Variants in ARHGEF28 observed in about 807,000 individuals in gnomAD.
The protein encoded by ARHGEF28 is Rho guanine nucleotide exchange factor 28, also known as 190 kDa guanine nucleotide exchange factor.
A neutral mutation model predicts 206.6 loss-of-function variants in ARHGEF28; 152 were observed. The ratio of observed to expected loss-of-function variants is 0.74; its 90% CI spans 0.64 to 0.84. The LOEUF is 0.84. Among genes scored for constraint, ARHGEF28 ranks in the 40% least tolerant of loss-of-function variants. ARHGEF28 has a pLI of 0.00. For missense variants in ARHGEF28, 2,028 were observed against 2,073.2 expected (o/e 0.98, Z 0.42); for synonymous variants, 763 against 776.4 (o/e 0.98, Z 0.29).
chr5:73,805,324 A>G (rs1038616615), intron 9 of ARHGEF28, among the ~76,000 whole-genome samples: 1 of 152,150 alleles, frequency 6.6e-6, no homozygotes, highest in African/African-American at 2.4e-5. Context: ...AATTTAAGAA[A>G]ACCTTGAGGT....
intron 1 of ARHGEF28, among the ~76,000 whole-genome samples, chr5:73,649,124 G>A (rs1454254029): frequency 6.6e-6 from 1 of 152,244 alleles, no homozygotes; most frequent in Non-Finnish European, 1.5e-5. Flanking sequence ...GATAAAGACA[G>A]ATTAAGTAGC....
intron 2 of ARHGEF28, among the ~76,000 whole-genome samples, chr5:73,736,075 C>T (rs1750911736): frequency 6.6e-6 from 1 of 152,164 alleles, no homozygotes; most frequent in Non-Finnish European, 1.5e-5. Flanking sequence ...TAACACAGTG[C>T]CTGACACACA....
At chr5:73,677,453 A>T (rs556802729) in intron 1 of ARHGEF28, among the ~76,000 whole-genome samples, 1 of 152,358 alleles carries the variant, frequency 6.6e-6, no homozygotes, top group Admixed American at 6.5e-5. Context: ...AATTAAAGTG[A>T]TAGGTTTTAT....
At chr5:73,887,563 G>T (rs755367448) in intron 25 of ARHGEF28, 40 bp from the exon 26 acceptor site, 7 of 1,419,280 alleles carry the variant, frequency 4.9e-6, no homozygotes, top group Non-Finnish European at 6.7e-6. Flanking sequence ...TTTGAACTGT[G>T]GTTTGCTTCA....
At chr5:73,857,978 T>C (rs1759155318) in intron 15 of ARHGEF28, 109 bp from the exon 16 acceptor site, 3 of 1,483,382 alleles carry the variant, frequency 2.0e-6, no homozygotes, top group South Asian at 2.7e-5. Context: ...TATATTCTGA[T>C]GGAAAATGTA....
intron 2 of ARHGEF28, among the ~76,000 whole-genome samples, chr5:73,737,447 C>A (rs530269992): frequency 3.3e-5 from 1 of 30,196 alleles, no homozygotes; most frequent in African/African-American, 1.6e-4. Flanking sequence ...TCCTTCTTTT[C>A]TTTTCTTTTC....
intron 14 of ARHGEF28, among the ~76,000 whole-genome samples, chr5:73,856,952 A>T (rs990432755): frequency 1.4e-4 from 22 of 152,186 alleles, no homozygotes; most frequent in Non-Finnish European, 3.2e-4. Context: ...CATAGTCTGC[A>T]TATGTTTTTT....
At chr5:73,834,031 GTATT>G (rs1254502037) in intron 10 of ARHGEF28, among the ~76,000 whole-genome samples, 10 of 152,154 alleles carry the variant, frequency 6.6e-5, no homozygotes, top group South Asian at 2.1e-4. Context: ...CCATGTTCTA[GTATT>G]TATTTATTTT....
chr5:73,923,929 T>C (rs1316610525), intron 35 of ARHGEF28, among the ~76,000 whole-genome samples: 2 of 152,216 alleles, frequency 1.3e-5, no homozygotes, highest in African/African-American at 4.8e-5. Context: ...CAATAGACTC[T>C]AAAATGCTTT....
In ARHGEF28 at chr5:73,858,611, A is replaced by G. The variant is rs1759199509; in HGVS notation, c.2047+392A>G. Among the ~76,000 whole-genome samples the G allele has an allele frequency of 1.3e-5, 2 of 152,138 alleles. 1 individual carries two copies. The highest frequency in any genetic ancestry group is 4.1e-4 in the South Asian group (2 of 4,824). ...CTCACATCCCACATCCAATCCATCA[A>G]CAATCCTCTTGGCTCTATTTTCAGA... is the stretch of plus-strand genomic sequence containing the variant. On this transcript the variant is annotated intron_variant, in intron 16 of 35. Transcript: ENST00000513042.
At chr5:73,852,481 A>T (rs977141190) in intron 13 of ARHGEF28, among the ~76,000 whole-genome samples, 169 bp from the exon 14 acceptor site, 4 of 152,306 alleles carry the variant, frequency 2.6e-5, no homozygotes, top group African/African-American at 4.8e-5. Context: ...AAAGTGATTT[A>T]AAAAAATCCA....
intron 13 of ARHGEF28, 151 bp downstream of exon 13, chr5:73,849,238 T>C: frequency 1.7e-6 from 1 of 595,852 alleles, no homozygotes. Context: ...CAAAATTCTT[T>C]TCTTATTGGA....
chr5:73,745,374 T>A (rs972847953), intron 2 of ARHGEF28, among the ~76,000 whole-genome samples: 1 of 152,000 alleles, frequency 6.6e-6, no homozygotes, highest in African/African-American at 2.4e-5. Context: ...CCACTTTAAA[T>A]ACCATCTGGA....
At chr5:73,862,209 A>C in intron 16 of ARHGEF28, among the ~76,000 whole-genome samples, 1 of 152,252 alleles carries the variant, frequency 6.6e-6, no homozygotes, top group Non-Finnish European at 1.5e-5. Flanking sequence ...GTTACACATA[A>C]ATTTATATAT....
At chr5:73,686,532 T>A (rs573260039) in intron 2 of ARHGEF28, among the ~76,000 whole-genome samples, 1 of 151,522 alleles carries the variant, frequency 6.6e-6, no homozygotes, top group South Asian at 2.1e-4. Context: ...TTTTTTTTTT[T>A]TTTCGAGACG....
At chr5:73,647,007 G>A (rs1744474688) in intron 1 of ARHGEF28, among the ~76,000 whole-genome samples, 1 of 152,130 alleles carries the variant, frequency 6.6e-6, no homozygotes, top group African/African-American at 2.4e-5. Context: ...ATTGTGGTGG[G>A]CATACCCCTT....
chr5:73,773,887 G>A lies in ARHGEF28; in HGVS notation c.508G>A (p.Ala170Thr), dbSNP rs1477315448. The A allele has an allele frequency of 3.1e-6, 5 of 1,608,146 alleles. No homozygotes were observed. The East Asian group carries it at 8.9e-5, about 29-fold the overall frequency. The change falls in exon 5 of 36, where the codon GCT becomes ACT. Residue 170 changes from alanine (A) to threonine (T), a missense_variant. This residue lies in a region of ARHGEF28 where 1,002 missense variants were observed against 1,015.3 expected (regional missense o/e 0.99). Coordinates refer to ENST00000513042, the MANE Select transcript of ARHGEF28 (RefSeq NM_001177693.2). ...TCACAGAGAATCTCTTCTACACCTG[G>A]CTATGAGATGGGGCCTGGCTAAACT... ...SSHRESLLHL[A>T]MRWGLAKLSQ...
intron 3 of ARHGEF28, among the ~76,000 whole-genome samples, chr5:73,750,394 C>G (rs1461531920): frequency 6.6e-6 from 1 of 152,044 alleles, no homozygotes; most frequent in Non-Finnish European, 1.5e-5. Context: ...CCTCATTCTT[C>G]TGTAAGCAGC....
chr5:73,829,928 T>C (rs1417445671), intron 9 of ARHGEF28, among the ~76,000 whole-genome samples: 1 of 152,174 alleles, frequency 6.6e-6, no homozygotes, highest in East Asian at 1.9e-4. Context: ...TAATATCTAA[T>C]ATGGCTGATT....
Sources: gnomAD v4.1 joint callset for allele counts (sites outside exome capture counted in the v4.1 genomes callset) on GRCh38, gnomAD v4.1.1 for gene constraint, gnomAD v4.1.1 regional missense constraint, MANE v1.5 for transcripts, NCBI Gene and HGNC (gene_info 2026-07-23, HGNC 2026-07-21) for gene names.